Variants in DICER1 observed in about 807,000 individuals in gnomAD.
The protein encoded by DICER1 is dicer 1, ribonuclease III.
A neutral mutation model predicts 194.1 loss-of-function variants in DICER1; 43 were observed. That is an observed-to-expected ratio of 0.22 (90% CI 0.17 to 0.29). The LOEUF is 0.29. Ranked by LOEUF, DICER1 falls within the 10% of genes least tolerant of loss-of-function variation. The probability of loss-of-function intolerance (pLI) is 1.00; values close to 1 mark genes in which losing one functional copy is unlikely to be tolerated. For missense variants in DICER1, 1,608 were observed against 2,317.0 expected (o/e 0.69, Z 6.28); for synonymous variants, 832 against 820.5 (o/e 1.01, Z -0.24).
chr14:95,147,661 T>C (rs1895227079), intron 1 of DICER1, among the ~76,000 whole-genome samples: 1 of 152,242 alleles, frequency 6.6e-6, no homozygotes, highest in Non-Finnish European at 1.5e-5. Flanking sequence ...GGGTGTCTTC[T>C]ATTAATGACT....
At position 95,107,771 on chromosome 14, in the gene DICER1, G is replaced by A. The variant is rs767672734; in HGVS notation, c.2651-10C>T. 4.7e-6 allele frequency: 4 copies of A among 846,798 alleles called. No homozygotes were observed. Among genetic ancestry groups the A allele is most frequent in the South Asian group, 1.3e-5 (1 of 77,142 alleles). 52.5% of individuals were successfully genotyped at this position (846,798 alleles called of 1,614,324 possible). ...GTGCTGGAGTCATTAACTTAGAAGA[G>A]AAAAACGACTCTTTAGCTTGTTAAA... On this transcript the variant is annotated splice_polypyrimidine_tract_variant and intron_variant, in intron 16 of 26. Transcript: ENST00000343455.
chr14:95,123,601 C>T (rs1893128111), intron 8 of DICER1, among the ~76,000 whole-genome samples: 1 of 152,050 alleles, frequency 6.6e-6, no homozygotes, highest in South Asian at 2.1e-4. Context: ...TGTATTTTTT[C>T]TAGAGACAGG....
rs375454363 is a variant in DICER1 at position 95,130,092 on chromosome 14, G to C, written c.539C>G (p.Ala180Gly). 4.3e-6 allele frequency: 7 copies of C among 1,613,450 alleles called. No homozygotes were observed. The highest frequency in any genetic ancestry group is 5.9e-6 in the Non-Finnish European group (7 of 1,179,668). The part of the protein sequence containing the change: ...NLLVFDECHL[A>G]ILDHPYREIM... ...TTCTCGATAGGGGTGGTCTAGGATTGCAAGATGACACTCATCAAACACCAA... is the reference window on the plus strand; with the variant it reads ...TTCTCGATAGGGGTGGTCTAGGATTCCAAGATGACACTCATCAAACACCAA... Residue 180 changes from alanine (A) to glycine (G), a missense_variant, in exon 5 of 27, where the codon GCA (alanine) becomes GGA (glycine). By Grantham distance (60) the Ala-to-Gly change is moderately conservative (BLOSUM62 0). Coordinates refer to ENST00000343455, the MANE Select transcript of DICER1 (RefSeq NM_177438.3).
chr14:95,107,806 A>G, intron 16 of DICER1, 45 bp from the exon 17 acceptor site: 1 of 1,611,382 alleles, frequency 6.2e-7, no homozygotes, highest in Non-Finnish European at 8.5e-7. Flanking sequence ...AACATGATAC[A>G]GATAAGTTTC....
rs1230714808 is a variant in DICER1 at position 95,096,081 on chromosome 14, T to C, written c.4839A>G (p.Gln1613=). 1 of 1,614,116 alleles carries C rather than the reference T, an allele frequency of 6.2e-7. No individual in the cohort carries two copies. The highest frequency in any genetic ancestry group is 8.5e-7 in the Non-Finnish European group (1 of 1,180,048). The change falls in exon 23 of 27, where the codon CAA becomes CAG. Residue 1613 remains glutamine, a synonymous_variant. Coordinates refer to ENST00000343455, the MANE Select transcript of DICER1 (RefSeq NM_177438.3). Reference sequence around the variant, plus strand: ...CACAGCTCACTGAAAGGTTCTTTTGTTGGCTGTTGAAATTCTCCCGAGTAG... The same window carrying C: ...CACAGCTCACTGAAAGGTTCTTTTGCTGGCTGTTGAAATTCTCCCGAGTAG... The part of the protein sequence containing the change: ...LCPTRENFNS[Q]QKNLSVSCAA...
intron 9 of DICER1, among the ~76,000 whole-genome samples, chr14:95,117,368 A>G (rs1413164543): frequency 3.3e-5 from 5 of 152,212 alleles, no homozygotes; most frequent in Non-Finnish European, 7.3e-5. Context: ...CATCAATCCA[A>G]TCACAGAAAA....
chr14:95,130,272 A>G, intron 4 of DICER1, 80 bp from the exon 5 acceptor site: 1 of 1,377,170 alleles, frequency 7.3e-7, no homozygotes, highest in Non-Finnish European at 1.0e-6. Flanking sequence ...TCATAGAGCC[A>G]TTGTATCATA....
intron 1 of DICER1, among the ~76,000 whole-genome samples, chr14:95,156,670 A>G (rs1895893193): frequency 6.6e-6 from 1 of 152,252 alleles, no homozygotes; most frequent in Non-Finnish European, 1.5e-5. Context: ...GAGAGGCAAA[A>G]GAATGGCCTC....
At chr14:95,143,142 T>C (rs1894921488) in intron 1 of DICER1, among the ~76,000 whole-genome samples, 1 of 152,144 alleles carries the variant, frequency 6.6e-6, no homozygotes, top group East Asian at 1.9e-4. Context: ...GCAATACTCA[T>C]GGTAAGCTAA....
intron 1 of DICER1, among the ~76,000 whole-genome samples, chr14:95,156,664 G>A (rs906093736): frequency 6.6e-5 from 10 of 152,254 alleles, no homozygotes; most frequent in Admixed American, 5.2e-4. Flanking sequence ...TGAGGGGAGA[G>A]GCAAAAGAAT....
At chr14:95,133,049 A>G (rs1440408246) in intron 2 of DICER1, among the ~76,000 whole-genome samples, 1 of 152,230 alleles carries the variant, frequency 6.6e-6, no homozygotes, top group Non-Finnish European at 1.5e-5. Flanking sequence ...TCACTAGGAC[A>G]GACACATCCA....
At chr14:95,127,746 G>A (rs1247301827) in intron 6 of DICER1, among the ~76,000 whole-genome samples, 3 of 152,212 alleles carry the variant, frequency 2.0e-5, no homozygotes, top group Admixed American at 1.3e-4. Context: ...TGCCTGTTAG[G>A]TCTCAAGAAA....
At position 95,117,636 on chromosome 14, in the gene DICER1, T is replaced by C. The variant is rs1205403584; in HGVS notation, c.1495A>G (p.Arg499Gly). ...PRNKQMEAEFRKQEEVLRKFR... is the reference protein window; with the variant it reads ...PRNKQMEAEFGKQEEVLRKFR... ...ATTTAAGTTACCTCTTCCTGTTTTCTGAATTCTGCTTCCATCTGTTTGTTG... is the reference window on the plus strand; with the variant it reads ...ATTTAAGTTACCTCTTCCTGTTTTCCGAATTCTGCTTCCATCTGTTTGTTG... The change falls in exon 9 of 27, where the codon AGA (arginine) becomes GGA (glycine). Residue 499 changes from arginine to glycine, a missense_variant. By Grantham distance (125) the Arg-to-Gly change is moderately radical. Coordinates refer to ENST00000343455, the MANE Select transcript of DICER1 (RefSeq NM_177438.3). 6.2e-7 allele frequency: 1 copy of C among 1,614,076 alleles called. No homozygotes were observed. The highest frequency in any genetic ancestry group is 8.5e-7 in the Non-Finnish European group (1 of 1,179,928).
chr14:95,102,987 C>CAA (rs1891021094), intron 21 of DICER1, among the ~76,000 whole-genome samples: 1 of 152,192 alleles, frequency 6.6e-6, no homozygotes, highest in Non-Finnish European at 1.5e-5. Flanking sequence ...CTCAACAAAG[C>CAA]AGAAGCTCCT....
chr14:95,141,099 T>A (rs1336333368), intron 1 of DICER1: 2 of 152,186 alleles, frequency 1.3e-5, no homozygotes, highest in African/African-American at 4.8e-5. Flanking sequence ...AAATAGCTAT[T>A]ATTTCCTAAA....
chr14:95,147,724 C>T (rs919874663), intron 1 of DICER1, among the ~76,000 whole-genome samples: 5 of 152,178 alleles, frequency 3.3e-5, no homozygotes, highest in South Asian at 2.1e-4. Flanking sequence ...AGGTTGAGGG[C>T]TCCAGTCCTC....
chr14:95,154,881 AC>A (rs1005934104), intron 1 of DICER1, among the ~76,000 whole-genome samples: 18 of 152,140 alleles, frequency 1.2e-4, no homozygotes, highest in Admixed American at 6.5e-4. Flanking sequence ...AAAAAAAAAA[AC>A]AACTATCTGA....
At chr14:95,147,506 A>G (rs571720321) in intron 1 of DICER1, among the ~76,000 whole-genome samples, 5 of 152,318 alleles carry the variant, frequency 3.3e-5, no homozygotes, top group Admixed American at 6.5e-5. Flanking sequence ...ATGTGGTAAC[A>G]TTTACCTGAA....
chr14:95,110,332 C>G (rs1891843743), intron 14 of DICER1, among the ~76,000 whole-genome samples: 1 of 152,206 alleles, frequency 6.6e-6, no homozygotes, highest in Non-Finnish European at 1.5e-5. Context: ...AGGAACCCAT[C>G]CCGGACAGGA....
Sources: gnomAD v4.1 joint callset for allele counts (sites outside exome capture counted in the v4.1 genomes callset) on GRCh38, gnomAD v4.1.1 for gene constraint, MANE v1.5 for transcripts, NCBI Gene and HGNC (gene_info 2026-07-23, HGNC 2026-07-21) for gene names.